Variants in CLEC18A observed in about 807,000 individuals in gnomAD.
CLEC18A encodes the protein mannose receptor-like 1.
In CLEC18A, 5 loss-of-function variants were observed where a neutral mutation model predicts 24.0. The observed-to-expected ratio is 0.21, with a 90% CI of 0.11 to 0.44. The LOEUF is 0.44. Among genes scored for constraint, CLEC18A ranks in the 20% least tolerant of loss-of-function variants. The probability of loss-of-function intolerance (pLI) is 0.99; values close to 1 mark genes in which losing one functional copy is unlikely to be tolerated. For synonymous variants in CLEC18A, 29 were observed against 100.1 expected (o/e 0.29, Z 4.24); for missense variants, 83 against 233.4 (o/e 0.36, Z 4.20).
chr16:69,953,534 G>T (rs1249503244), intron 2 of CLEC18A: 4 of 148,994 alleles, frequency 2.7e-5, no homozygotes, highest in Non-Finnish European at 6.0e-5. Flanking sequence ...AGAGGGAGGG[G>T]GCTGGGCACG....
At chr16:69,965,592 C>T (rs1230935992), downstream of CLEC18A, among the ~76,000 whole-genome samples, 1 of 149,440 alleles carries the variant, frequency 6.7e-6, no homozygotes, top group Non-Finnish European at 1.5e-5. Context: ...GTGAGTGGGG[C>T]GGGTGCAGGT....
chr16:69,953,164 CG>C (rs2058978623), intron 2 of CLEC18A: 1 of 152,432 alleles, frequency 6.6e-6, no homozygotes, highest in African/African-American at 2.4e-5. Flanking sequence ...CAGCCTCCCT[CG>C]TGGCCCGGCC....
chr16:69,945,073 C>T, the CLEC18A span, among the ~76,000 whole-genome samples: 4 of 146,020 alleles, frequency 2.7e-5, no homozygotes, highest in South Asian at 4.3e-4. Context: ...ACCCCGGAGC[C>T]GTGAGCACAC....
chr16:69,954,079 T>C (rs682999), intron 2 of CLEC18A, among the ~76,000 whole-genome samples: 91,957 of 116,258 alleles, frequency 0.79, 37,478 homozygotes, highest in East Asian at 0.96. Flanking sequence ...GCGGGTCCCA[T>C]TGCCTGGGCA....
At chr16:69,964,840 C>T (rs1359488825), downstream of CLEC18A, among the ~76,000 whole-genome samples, 4 of 151,956 alleles carry the variant, frequency 2.6e-5, no homozygotes, top group Admixed American at 1.3e-4. Flanking sequence ...CTCGCTTTGT[C>T]GTACAGGCTG....
intron 3 of CLEC18A, among the ~76,000 whole-genome samples, chr16:69,957,663 TC>T (rs1176863607): frequency 2.1e-5 from 2 of 94,856 alleles, no homozygotes; most frequent in Non-Finnish European, 3.9e-5. Flanking sequence ...TTTGCAAAAG[TC>T]CCATGCATTC....
intron 3 of CLEC18A, among the ~76,000 whole-genome samples, chr16:69,956,051 G>T (rs1393575132): frequency 6.6e-6 from 1 of 152,094 alleles, no homozygotes; most frequent in African/African-American, 2.4e-5. Flanking sequence ...TTCGAGATCA[G>T]CCTGGGCCAC....
At chr16:69,946,736 A>G (rs374922471), upstream of CLEC18A, among the ~76,000 whole-genome samples, 1,019 of 128,380 alleles carry the variant, frequency 7.9e-3, no homozygotes, top group South Asian at 0.012. Flanking sequence ...TTTCATTTTC[A>G]GATTGTTTAT....
chr16:69,944,240 G>A, the CLEC18A span, among the ~76,000 whole-genome samples: 6 of 135,722 alleles, frequency 4.4e-5, 1 homozygote, highest in Admixed American at 3.0e-4. Flanking sequence ...AGGTTGCAGT[G>A]AGCCAAAACC....
chr16:69,966,554 T>A (rs1035097354), downstream of CLEC18A, among the ~76,000 whole-genome samples: 2 of 143,730 alleles, frequency 1.4e-5, no homozygotes, highest in African/African-American at 5.3e-5. Context: ...CCCTATATGG[T>A]CTAAAAATGG....
upstream of CLEC18A, among the ~76,000 whole-genome samples, chr16:69,946,959 A>G (rs1202343428): frequency 8.9e-6 from 1 of 112,780 alleles, no homozygotes; most frequent in Non-Finnish European, 1.7e-5. Context: ...TTGCGCATTC[A>G]GTAGTACAAT....
chr16:69,948,213 C>T (rs1481426887), upstream of CLEC18A, among the ~76,000 whole-genome samples: 1 of 87,242 alleles, frequency 1.1e-5, no homozygotes, highest in Non-Finnish European at 2.3e-5. Context: ...GACGGGGTTT[C>T]ACCATGCTGC....
At chr16:69,965,934 CCTT>C (rs1301951699), downstream of CLEC18A, among the ~76,000 whole-genome samples, 10 of 58,852 alleles carry the variant, frequency 1.7e-4, 1 homozygote, top group Non-Finnish European at 2.8e-4. Context: ...ACCAGGCTCT[CCTT>C]CTGCCTCCGC....
the CLEC18A span, among the ~76,000 whole-genome samples, chr16:69,944,786 A>AGATGGC: frequency 8.5e-6 from 1 of 117,516 alleles, no homozygotes; most frequent in Non-Finnish European, 1.7e-5. Flanking sequence ...CAGTGAGCTG[A>AGATGGC]GATGGCGCCA....
In CLEC18A at chr16:69,954,321, G is replaced by C. The variant is rs2059000777; in HGVS notation, c.217-13G>C. On this transcript the variant is annotated splice_polypyrimidine_tract_variant and intron_variant, in intron 2 of 11. Coordinates refer to ENST00000288040, the MANE Select transcript of CLEC18A (RefSeq NM_001370523.4). ...AAAGGCCTCCCACAGATGTCTGTTT[G>C]TGCTGCCCCCAGGACTGGAGTGACA... is the stretch of plus-strand genomic sequence containing the variant. The C allele has an allele frequency of 1.3e-6, 2 of 1,571,632 alleles. No homozygotes were observed. The highest frequency in any genetic ancestry group is 2.7e-5 in the African/African-American group (2 of 74,574).
In CLEC18A at chr16:69,954,391, C is replaced by G. The variant is rs761012148; in HGVS notation, c.274C>G (p.Pro92Ala). 1.2e-6 allele frequency: 2 copies of G among 1,609,914 alleles called. No individual in the cohort carries two copies. Among genetic ancestry groups the G allele is most frequent in the African/African-American group, 1.3e-5 (1 of 74,954 alleles). The change falls in exon 3 of 12, where the codon CCA (proline) becomes GCA (alanine). Residue 92 changes from proline (P) to alanine (A), a missense_variant. By Grantham distance (27) the Pro-to-Ala change is conservative (BLOSUM62 -1). Transcript: ENST00000288040. ...AGCCAGGGCAGCCCTCTGTGGAACC[C>G]CAACCCCGAGCCTGGCGTCCGGCCT... ...AQARAALCGT[P>A]TPSLASGLWR...
At chr16:69,955,560 A>G (rs1177610823) in intron 3 of CLEC18A, among the ~76,000 whole-genome samples, 2 of 150,476 alleles carry the variant, frequency 1.3e-5, no homozygotes, top group Admixed American at 6.6e-5. Flanking sequence ...CATGCTGGCC[A>G]GGCTGGGTCT....
chr16:69,965,351 C>T (rs1238826824), downstream of CLEC18A, among the ~76,000 whole-genome samples: 4 of 152,036 alleles, frequency 2.6e-5, no homozygotes, highest in African/African-American at 7.3e-5. Flanking sequence ...CGGTCTGGTT[C>T]CCGGGTCAGC....
In CLEC18A at chr16:69,956,160, T is replaced by C. The variant is rs1474558797; in HGVS notation, c.456+1587T>C. 2.1e-5 allele frequency among the ~76,000 whole-genome samples: 3 copies of C among 144,724 alleles called. No individual in the cohort carries two copies. In the East Asian group the frequency reaches 6.4e-4, roughly 31 times the overall value. The allele number at this position is 144,724 out of a possible 152,430, so 94.9% of individuals were successfully genotyped here. A position where few individuals can be genotyped will look rare whatever the true frequency, so the allele number is the denominator to read the frequency against. On this transcript the variant is annotated intron_variant, in intron 3 of 11. Coordinates refer to ENST00000288040, the MANE Select transcript of CLEC18A (RefSeq NM_001370523.4). ...TACTTGGGAGGCTGAGGTAGGAGAATTGCTGGAGCCTGGGAGGTGGAGATT... is the reference window on the plus strand; with the variant it reads ...TACTTGGGAGGCTGAGGTAGGAGAACTGCTGGAGCCTGGGAGGTGGAGATT...
Sources: gnomAD v4.1 joint callset for allele counts (sites outside exome capture counted in the v4.1 genomes callset) on GRCh38, gnomAD v4.1.1 for gene constraint, MANE v1.5 for transcripts, NCBI Gene and HGNC (gene_info 2026-07-23, HGNC 2026-07-21) for gene names.